The following H2AZ2 variants were observed in gnomAD, a reference collection of about 807,000 sequenced individuals.
The protein encoded by H2AZ2 is histone H2A.V.
A neutral mutation model predicts 15.5 loss-of-function variants in H2AZ2; 5 were observed. The observed-to-expected ratio is 0.32, with a 90% CI of 0.17 to 0.68. H2AZ2 has a LOEUF of 0.68. H2AZ2 is among the 30% of genes least tolerant of loss of function. The pLI, the probability that H2AZ2 is intolerant of heterozygous loss-of-function variation, is 0.72. For synonymous variants in H2AZ2, 44 were observed against 57.4 expected, an observed-to-expected ratio of 0.77 and a Z score of 1.05; for missense variants, 42 against 162.5, an observed-to-expected ratio of 0.26 and a Z score of 4.03.
chr7:44,829,794 C>G (rs1792976410), downstream of H2AZ2: 1 of 193,806 alleles, frequency 5.2e-6, no homozygotes, highest in African/African-American at 2.4e-5. Flanking sequence ...CTCACTCTTT[C>G]CAGTGCCTGG....
intron 1 of H2AZ2, among the ~76,000 whole-genome samples, chr7:44,845,037 T>C (rs1793363739): frequency 6.6e-6 from 1 of 152,144 alleles, no homozygotes; most frequent in South Asian, 2.1e-4. Flanking sequence ...GATTGGCTGT[T>C]TGAGGGGCTA....
At chr7:44,827,256 G>C (rs1792938587), downstream of H2AZ2, 1 of 152,210 alleles carries the variant, frequency 6.6e-6, no homozygotes, top group Non-Finnish European at 1.5e-5. Flanking sequence ...TACATAGTAA[G>C]TCCAGACTGG....
intron 3 of H2AZ2, among the ~76,000 whole-genome samples, chr7:44,838,795 T>C (rs767016591): frequency 2.1e-4 from 32 of 152,194 alleles, no homozygotes; most frequent in Non-Finnish European, 4.6e-4. Flanking sequence ...ATGAAATAAA[T>C]GACAGCAATG....
rs1408658995 is a variant in H2AZ2, at chr7:44,846,779, C to T, written c.3+1190G>A. Reference sequence around the variant, plus strand: ...AGTACTATAAAGTACTTTACAATAACAATAAACTATACGTGAGACGTTGGA... The same window carrying T: ...AGTACTATAAAGTACTTTACAATAATAATAAACTATACGTGAGACGTTGGA... On this transcript the variant is annotated intron_variant, in intron 1 of 4. Transcript: ENST00000308153. Among the ~76,000 whole-genome samples the T allele has an allele frequency of 2.1e-4, 32 of 151,762 alleles. 1 individual carries two copies. The highest frequency in any genetic ancestry group is 2.0e-3 in the Admixed American group (30 of 15,232).
Position 44,833,629 on chromosome 7 carries a change from G to A in H2AZ2, c.*872C>T. 1.1e-6 allele frequency: 1 copy of A among 939,162 alleles called. No homozygotes were observed. Among genetic ancestry groups the A allele is most frequent in the Non-Finnish European group, 1.3e-6 (1 of 787,750 alleles). 58.2% of individuals were successfully genotyped at this position (939,162 alleles called of 1,614,324 possible). ...GTCTCCCGAAGTGTTGGGATTACAG[G>A]CGTAAACCACAATGCCAGGCCAAAA... On this transcript the variant is annotated 3_prime_UTR_variant, in exon 5 of 5. Coordinates refer to ENST00000308153, the MANE Select transcript of H2AZ2 (RefSeq NM_012412.5).
chr7:44,844,114 T>C (rs1057279132), intron 1 of H2AZ2, among the ~76,000 whole-genome samples: 7 of 150,442 alleles, frequency 4.7e-5, no homozygotes, highest in Admixed American at 4.6e-4. Flanking sequence ...CTTCTAGGTA[T>C]ACACCTAAAA....
rs977768395 is a variant in H2AZ2, at chr7:44,832,012, G to A, written c.*2489C>T. Reference sequence around the variant, plus strand: ...TCTGTCAGTTTATAGAACATATAGGGGACAGAAAAGGTGTACATGATCCCA... The same window carrying A: ...TCTGTCAGTTTATAGAACATATAGGAGACAGAAAAGGTGTACATGATCCCA... On this transcript the variant is annotated 3_prime_UTR_variant, in exon 5 of 5. Coordinates refer to ENST00000308153, the MANE Select transcript of H2AZ2 (RefSeq NM_012412.5). Among the ~76,000 whole-genome samples, 1 of 151,970 alleles carries A rather than the reference G, an allele frequency of 6.6e-6. No individual in the cohort carries two copies. Among genetic ancestry groups the A allele is most frequent in the Non-Finnish European group, 1.5e-5 (1 of 67,984 alleles).
rs547542935 is a variant in H2AZ2 at position 44,837,340 on chromosome 7, T to C, written c.196-1682A>G. On this transcript the variant is annotated intron_variant, in intron 3 of 4. Transcript: ENST00000308153. The stretch of plus-strand genomic sequence containing the variant: ...TGGGAGGCTGAGGCAGGAGAATCGG[T>C]TGAACCCAGGAGGTGGAGGTTGCAG... 2.8e-3 allele frequency among the ~76,000 whole-genome samples: 399 copies of C among 141,258 alleles called. 1 individual carries two copies. The highest frequency in any genetic ancestry group is 3.6e-3 in the Non-Finnish European group (235 of 65,656). 92.7% of individuals were successfully genotyped at this position (141,258 alleles called of 152,430 possible).
intron 1 of H2AZ2, among the ~76,000 whole-genome samples, chr7:44,844,892 T>C (rs944822958): frequency 6.6e-6 from 1 of 152,162 alleles, no homozygotes; most frequent in Non-Finnish European, 1.5e-5. Context: ...ACACAATAAA[T>C]TAGAAATGTT....
chr7:44,834,221 A>T lies in H2AZ2; in HGVS notation c.*280T>A, dbSNP rs1340809422. ...ATACATCATGAACAGAACAGTTTTG[A>T]GACAAATTAATTTTGTAAAAAATGG... is the stretch of plus-strand genomic sequence containing the variant. On this transcript the variant is annotated 3_prime_UTR_variant, in exon 5 of 5. Coordinates refer to ENST00000308153, the MANE Select transcript of H2AZ2 (RefSeq NM_012412.5). 2 of 1,189,028 alleles carry T rather than the reference A, an allele frequency of 1.7e-6. No individual in the cohort carries two copies. The highest frequency in any genetic ancestry group is 2.1e-6 in the Non-Finnish European group (2 of 955,850). 73.7% of individuals were successfully genotyped at this position (1,189,028 alleles called of 1,614,324 possible).
Position 44,832,594 on chromosome 7 carries a change from A to G in H2AZ2, c.*1907T>C, listed in dbSNP as rs1165044429. 6.6e-6 allele frequency among the ~76,000 whole-genome samples: 1 copy of G among 152,222 alleles called. No individual in the cohort carries two copies. Among genetic ancestry groups the G allele is most frequent in the African/African-American group, 2.4e-5 (1 of 41,448 alleles). ...TTTAAAATTTCCTTCTTTAATGAAGACTTGCAAGCAGAAAAATATAATTTT... is the reference window on the plus strand; with the variant it reads ...TTTAAAATTTCCTTCTTTAATGAAGGCTTGCAAGCAGAAAAATATAATTTT... On this transcript the variant is annotated 3_prime_UTR_variant, in exon 5 of 5. Coordinates refer to ENST00000308153, the MANE Select transcript of H2AZ2 (RefSeq NM_012412.5).
chr7:44,833,594 A>G lies in H2AZ2; in HGVS notation c.*907T>C. On this transcript the variant is annotated 3_prime_UTR_variant, in exon 5 of 5. Transcript: ENST00000308153. ...TCAAACTCCTGACCTCAAGTGTTCC[A>G]CCAGCCTCGGTCTCCCGAAGTGTTG... is the stretch of plus-strand genomic sequence containing the variant. 1 of 718,668 alleles carries G rather than the reference A, an allele frequency of 1.4e-6. No individual in the cohort carries two copies. The highest frequency in any genetic ancestry group is 1.9e-5 in the African/African-American group (1 of 52,010). The allele number at this position is 718,668 out of a possible 1,614,324, so 44.5% of individuals were successfully genotyped here.
chr7:44,841,203 C>A (rs1185750737), intron 2 of H2AZ2, among the ~76,000 whole-genome samples, 191 bp from the exon 3 acceptor site: 1 of 152,182 alleles, frequency 6.6e-6, no homozygotes, highest in Non-Finnish European at 1.5e-5. Context: ...AAATCTTTAA[C>A]CTCTGCATAA....
intron 1 of H2AZ2, among the ~76,000 whole-genome samples, chr7:44,844,836 T>C (rs1345550014): frequency 2.0e-5 from 3 of 152,180 alleles, no homozygotes; most frequent in Non-Finnish European, 4.4e-5. Context: ...TAAGTAAATA[T>C]GGGGTATTAT....
In H2AZ2 at chr7:44,833,445, C is replaced by T. The variant is rs935666916; in HGVS notation, c.*1056G>A. On this transcript the variant is annotated 3_prime_UTR_variant, in exon 5 of 5. Transcript: ENST00000308153. ...AGAGACGGGGTTTCACCATGTTAGC[C>T]AGGATGGTCTCGATTTCCTGACCTC... is the stretch of plus-strand genomic sequence containing the variant. Among the ~76,000 whole-genome samples, 3 of 152,112 alleles carry T rather than the reference C, an allele frequency of 2.0e-5. No homozygotes were observed. Among genetic ancestry groups the T allele is most frequent in the Admixed American group, 6.6e-5 (1 of 15,258 alleles).
chr7:44,830,087 T>C, downstream of H2AZ2: 11 of 1,562,866 alleles, frequency 7.0e-6, no homozygotes, highest in South Asian at 4.5e-5. Context: ...CAGTAGAATC[T>C]TGTTCCACTA....
intron 1 of H2AZ2, among the ~76,000 whole-genome samples, chr7:44,847,139 G>A (rs1272721879): frequency 2.0e-5 from 3 of 152,078 alleles, no homozygotes; most frequent in Non-Finnish European, 4.4e-5. Flanking sequence ...ACGAATACCG[G>A]CAAAAATAAG....
At position 44,833,408 on chromosome 7, in the gene H2AZ2, A is replaced by G. The variant is rs1471011952; in HGVS notation, c.*1093T>C. 1.3e-5 allele frequency among the ~76,000 whole-genome samples: 2 copies of G among 151,862 alleles called. No homozygotes were observed. The highest frequency in any genetic ancestry group is 2.9e-5 in the Non-Finnish European group (2 of 68,004). ...CCACCACACCCGGCTAATTTTTTGT[A>G]TTTTTTTAAATAGAGACGGGGTTTC... On this transcript the variant is annotated 3_prime_UTR_variant, in exon 5 of 5. Coordinates refer to ENST00000308153, the MANE Select transcript of H2AZ2 (RefSeq NM_012412.5).
chr7:44,843,943 C>T (rs965233822), intron 1 of H2AZ2, among the ~76,000 whole-genome samples: 1 of 151,700 alleles, frequency 6.6e-6, no homozygotes, highest in African/African-American at 2.4e-5. Flanking sequence ...TTTATGCATA[C>T]ATGAAATATT....
Sources: allele counts gnomAD v4.1 joint callset (sites outside exome capture counted in the v4.1 genomes callset), GRCh38; gene constraint gnomAD v4.1.1; transcripts MANE v1.5; gene names NCBI Gene and HGNC (gene_info 2026-07-23, HGNC 2026-07-21).